Variants in CDH11 observed in about 807,000 individuals in gnomAD.
The protein encoded by CDH11 is cadherin 11.
In CDH11, 11 loss-of-function variants were observed where a neutral mutation model predicts 67.8. The observed-to-expected ratio is 0.16, with a 90% CI of 0.10 to 0.27. CDH11 has a LOEUF of 0.27. Ranked by LOEUF, CDH11 falls within the 10% of genes least tolerant of loss-of-function variation. The pLI, the probability that CDH11 is intolerant of heterozygous loss-of-function variation, is 1.00. For synonymous variants in CDH11, 419 were observed against 400.0 expected, an observed-to-expected ratio of 1.05 and a Z score of -0.57; for missense variants, 847 against 1,031.2, an observed-to-expected ratio of 0.82 and a Z score of 2.45.
At chr16:65,050,321 C>T (rs997207266) in intron 2 of CDH11, among the ~76,000 whole-genome samples, 1 of 152,266 alleles carries the variant, frequency 6.6e-6, no homozygotes, top group Non-Finnish European at 1.5e-5. Context: ...ATCCTGTGAG[C>T]CCATGCCACA....
intron 1 of CDH11, among the ~76,000 whole-genome samples, chr16:65,075,836 T>A (rs1382896503): frequency 6.6e-6 from 1 of 152,236 alleles, no homozygotes; most frequent in Non-Finnish European, 1.5e-5. Flanking sequence ...TACCAAGTTA[T>A]CTCATCCATA....
intron 1 of CDH11, among the ~76,000 whole-genome samples, chr16:65,112,164 T>C (rs1185157632): frequency 1.3e-5 from 2 of 152,034 alleles, no homozygotes; most frequent in Non-Finnish European, 2.9e-5. Flanking sequence ...ACATAACCTT[T>C]GGGGAGATAG....
intron 1 of CDH11, among the ~76,000 whole-genome samples, chr16:65,066,832 C>G (rs975542450): frequency 6.6e-6 from 1 of 152,232 alleles, no homozygotes. Context: ...CCTACAGTAC[C>G]TACTTCAGAA....
chr16:65,071,083 T>C (rs1042039505), intron 1 of CDH11, among the ~76,000 whole-genome samples: 1 of 152,186 alleles, frequency 6.6e-6, no homozygotes, highest in African/African-American at 2.4e-5. Context: ...AAAAGGTCCT[T>C]TGAGGAACTC....
chr16:64,996,155 CA>C (rs2072757693), intron 4 of CDH11, among the ~76,000 whole-genome samples: 1 of 152,000 alleles, frequency 6.6e-6, no homozygotes, highest in African/African-American at 2.4e-5. Context: ...TACATTAGGT[CA>C]CTCTGAAAAG....
At chr16:65,022,835 C>A (rs2073453991) in intron 2 of CDH11, among the ~76,000 whole-genome samples, 1 of 152,236 alleles carries the variant, frequency 6.6e-6, no homozygotes, top group Admixed American at 6.5e-5. Context: ...AATCCCAGAG[C>A]ATCGGGGGGC....
At chr16:64,954,954 A>T (rs1302911103) in intron 11 of CDH11, among the ~76,000 whole-genome samples, 29 of 151,054 alleles carry the variant, frequency 1.9e-4, no homozygotes, top group African/African-American at 4.7e-4. Context: ...AAAATAAAAA[A>T]AAAAAAAAAA....
At chr16:65,036,665 T>G (rs939440520) in intron 2 of CDH11, among the ~76,000 whole-genome samples, 3 of 152,170 alleles carry the variant, frequency 2.0e-5, no homozygotes, top group African/African-American at 7.2e-5. Flanking sequence ...ACGTCATATG[T>G]TCTACTAAGA....
chr16:65,063,837 G>T (rs756658843), intron 1 of CDH11, among the ~76,000 whole-genome samples: 1 of 152,158 alleles, frequency 6.6e-6, no homozygotes, highest in Non-Finnish European at 1.5e-5. Flanking sequence ...CAGTAAGATT[G>T]TTTCCTACTT....
At position 64,945,543 on chromosome 16, in the gene CDH11, T is replaced by C; in HGVS notation, c.*2060A>G. 3 of 1,031,038 alleles carry C rather than the reference T, an allele frequency of 2.9e-6. No individual in the cohort carries two copies. The highest frequency in any genetic ancestry group is 3.5e-6 in the Non-Finnish European group (3 of 857,038). 63.9% of individuals were successfully genotyped at this position (1,031,038 alleles called of 1,614,324 possible). ...TTCATTGCAAATTCAATTGGAGATC[T>C]GTGCAAATCTAGCAAAATATTCTTT... is the stretch of plus-strand genomic sequence containing the variant. On this transcript the variant is annotated 3_prime_UTR_variant, in exon 13 of 13. Transcript: ENST00000268603.
chr16:65,023,390 T>G (rs1348423825), intron 2 of CDH11, among the ~76,000 whole-genome samples: 1 of 152,190 alleles, frequency 6.6e-6, no homozygotes, highest in African/African-American at 2.4e-5. Flanking sequence ...ACATTGCCTC[T>G]TCATTGGTGG....
intron 1 of CDH11, among the ~76,000 whole-genome samples, chr16:65,095,853 G>A (rs1251149310): frequency 6.6e-6 from 1 of 152,132 alleles, no homozygotes; most frequent in African/African-American, 2.4e-5. Context: ...AGGTGATTAG[G>A]CCAAGGGATC....
chr16:65,055,581 C>G (rs569731484), intron 1 of CDH11, among the ~76,000 whole-genome samples: 2 of 152,226 alleles, frequency 1.3e-5, no homozygotes, highest in African/African-American at 4.8e-5. Context: ...AATGTTGCCC[C>G]AGGATGAACA....
At chr16:65,007,745 G>T (rs1225085368) in intron 2 of CDH11, among the ~76,000 whole-genome samples, 1 of 152,166 alleles carries the variant, frequency 6.6e-6, no homozygotes, top group East Asian at 1.9e-4. Flanking sequence ...GTTTCAGTGA[G>T]CTAGTGAGGG....
At chr16:65,002,597 A>G (rs999913195) in intron 3 of CDH11, among the ~76,000 whole-genome samples, 2 of 152,204 alleles carry the variant, frequency 1.3e-5, no homozygotes, top group Admixed American at 6.5e-5. Flanking sequence ...CATCTCTTCA[A>G]GAAGAAATTT....
intron 5 of CDH11, 150 bp from the exon 6 acceptor site, chr16:64,992,085 C>A (rs922828566): frequency 7.1e-5 from 37 of 521,130 alleles, no homozygotes; most frequent in Non-Finnish European, 1.2e-4. Context: ...CCAAAGGCAG[C>A]CATACTGAAG....
At chr16:64,954,295 C>A (rs1450356625) in intron 11 of CDH11, among the ~76,000 whole-genome samples, 4 of 152,180 alleles carry the variant, frequency 2.6e-5, no homozygotes, top group African/African-American at 4.8e-5. Context: ...ACATGCTTCA[C>A]ATATAGATTT....
At chr16:64,996,040 A>T (rs59614634) in intron 4 of CDH11, among the ~76,000 whole-genome samples, 24,508 of 152,160 alleles carry the variant, frequency 0.16, 2,502 homozygotes, top group East Asian at 0.42. Context: ...CATAATGAGA[A>T]ACCATCTCCC....
intron 2 of CDH11, among the ~76,000 whole-genome samples, chr16:65,015,616 C>G (rs2073289393): frequency 6.6e-6 from 1 of 152,098 alleles, no homozygotes. Flanking sequence ...AACAACCAGT[C>G]CAGGTTCTAT....
Sources: allele counts gnomAD v4.1 joint callset (sites outside exome capture counted in the v4.1 genomes callset), GRCh38; gene constraint gnomAD v4.1.1; transcripts MANE v1.5; gene names NCBI Gene and HGNC (gene_info 2026-07-23, HGNC 2026-07-21).